The following VPS41 variants were observed in gnomAD, a reference collection of about 807,000 sequenced individuals.
VPS41 encodes the protein VPS41 subunit of HOPS complex, also known as vacuolar protein sorting-associated protein 41 homolog.
A neutral mutation model predicts 130.9 loss-of-function variants in VPS41; 85 were observed. The observed-to-expected ratio is 0.65, with a 90% CI of 0.55 to 0.78. The LOEUF (loss-of-function observed/expected upper bound fraction) is 0.78, where lower values mean the gene tolerates loss of function less well. Ranked by LOEUF, VPS41 falls within the 30% of genes least tolerant of loss-of-function variation. VPS41 has a pLI of 0.00. For synonymous variants in VPS41, 335 were observed against 332.9 expected (o/e 1.01, Z -0.07); for missense variants, 874 against 1,018.7 (o/e 0.86, Z 1.93).
chr7:38,813,009 T>G (rs1784974984), intron 7 of VPS41, among the ~76,000 whole-genome samples: 1 of 152,212 alleles, frequency 6.6e-6, no homozygotes, highest in Non-Finnish European at 1.5e-5. Flanking sequence ...AGTTACTATA[T>G]GATTCAACAA....
At chr7:38,804,292 T>A (rs1784794217) in intron 7 of VPS41, among the ~76,000 whole-genome samples, 1 of 152,194 alleles carries the variant, frequency 6.6e-6, no homozygotes, top group African/African-American at 2.4e-5. Context: ...GTATTAAGCC[T>A]ACTATCCATT....
Position 38,754,567 on chromosome 7 carries a change from T to A in VPS41, c.1788+135A>T, listed in dbSNP as rs1783751497. The A allele has an allele frequency of 1.5e-5, 10 of 686,312 alleles. No individual in the cohort carries two copies. In the South Asian group the frequency reaches 2.0e-4, roughly 14 times the overall value. 42.5% of individuals were successfully genotyped at this position (686,312 alleles called of 1,614,324 possible). A position where few individuals can be genotyped will look rare whatever the true frequency, so the allele number is the denominator to read the frequency against. The stretch of plus-strand genomic sequence containing the variant: ...GCATTTTGGTAATTACAGAACATTG[T>A]TTGTGGTGAAACCTCCAACTGGAAT... On this transcript the variant is annotated intron_variant, in intron 21 of 28. Coordinates refer to ENST00000310301, the MANE Select transcript of VPS41 (RefSeq NM_014396.4).
rs182539874 is a variant in VPS41 at position 38,813,730 on chromosome 7, T to C, written c.450+4087A>G. 5.9e-3 allele frequency among the ~76,000 whole-genome samples: 904 copies of C among 152,300 alleles called. 3 individuals carry two copies. Among genetic ancestry groups the C allele is most frequent in the Non-Finnish European group, 9.3e-3 (632 of 68,018 alleles). ...TCTTTTAAATTATTTTAGTCCCAAA[T>C]GTCTAAGTTAATAATAAAATCATTT... On this transcript the variant is annotated intron_variant, in intron 7 of 28. Coordinates refer to ENST00000310301, the MANE Select transcript of VPS41 (RefSeq NM_014396.4).
At chr7:38,814,158 ACT>A (rs1417130037) in intron 7 of VPS41, among the ~76,000 whole-genome samples, 2 of 152,188 alleles carry the variant, frequency 1.3e-5, no homozygotes, top group Non-Finnish European at 2.9e-5. Flanking sequence ...CTGCATGCAC[ACT>A]GTCCTTTCTA....
chr7:38,906,316 T>A (rs1787259990), intron 1 of VPS41, among the ~76,000 whole-genome samples: 1 of 151,690 alleles, frequency 6.6e-6, no homozygotes, highest in Non-Finnish European at 1.5e-5. Context: ...TTCAGCCATT[T>A]ACAACAGACT....
At chr7:38,858,744 C>T (rs1005977518) in intron 4 of VPS41, among the ~76,000 whole-genome samples, 12 of 152,306 alleles carry the variant, frequency 7.9e-5, no homozygotes, top group African/African-American at 2.9e-4. Context: ...TCAGCTGCCA[C>T]TCATATAAAG....
rs923457864 is a variant in VPS41 at position 38,725,841 on chromosome 7, T to C, written c.*405A>G. 6.3e-6 allele frequency: 1 copy of C among 158,190 alleles called. No homozygotes were observed. The highest frequency in any genetic ancestry group is 1.4e-5 in the Non-Finnish European group (1 of 72,108). The allele number at this position is 158,190 out of a possible 1,614,324, so 9.8% of individuals were successfully genotyped here. On this transcript the variant is annotated 3_prime_UTR_variant, in exon 29 of 29. Coordinates refer to ENST00000310301, the MANE Select transcript of VPS41 (RefSeq NM_014396.4). ...AGAGCACGTGGAAACAACGTCCAAG[T>C]TGCAGGTAGCAGCTTGCAGGATAAC...
At chr7:38,743,623 T>C in intron 23 of VPS41, 81 bp from the exon 24 acceptor site, 1 of 1,511,020 alleles carries the variant, frequency 6.6e-7, no homozygotes, top group Non-Finnish European at 9.0e-7. Flanking sequence ...ATCTCTTAAT[T>C]TGTTTACATA....
At chr7:38,736,241 G>T (rs1021625314) in intron 25 of VPS41, among the ~76,000 whole-genome samples, 1 of 152,210 alleles carries the variant, frequency 6.6e-6, no homozygotes, top group Non-Finnish European at 1.5e-5. Context: ...GCCAGACTAG[G>T]TGTGTAAGAA....
intron 2 of VPS41, among the ~76,000 whole-genome samples, chr7:38,887,838 A>C (rs970053919): frequency 5.3e-5 from 8 of 152,240 alleles, no homozygotes; most frequent in Non-Finnish European, 1.5e-5. Context: ...CTCTCTGCAG[A>C]AACCCTACAA....
chr7:38,727,884 G>A (rs1240579169), intron 27 of VPS41, among the ~76,000 whole-genome samples: 2 of 152,150 alleles, frequency 1.3e-5, no homozygotes, highest in Non-Finnish European at 2.9e-5. Flanking sequence ...CCTTAAGAAG[G>A]TGCTTTTCAT....
intron 14 of VPS41, among the ~76,000 whole-genome samples, chr7:38,768,194 G>C (rs1784085839): frequency 2.0e-5 from 3 of 152,148 alleles, no homozygotes; most frequent in Admixed American, 2.0e-4. Flanking sequence ...ATTCTACCTG[G>C]GTTCTGAAAG....
At chr7:38,817,659 T>A in intron 7 of VPS41, 158 bp downstream of exon 7, 1 of 707,682 alleles carries the variant, frequency 1.4e-6, no homozygotes, top group East Asian at 2.6e-5. Context: ...AAGCCACAAC[T>A]CCCCCAAGAG....
chr7:38,761,525 C>T (rs543340854), intron 17 of VPS41, among the ~76,000 whole-genome samples: 28 of 151,668 alleles, frequency 1.8e-4, no homozygotes, highest in South Asian at 1.0e-3. Flanking sequence ...CCTTGTGATC[C>T]GCCCGCCTCA....
chr7:38,737,764 G>A (rs1012933601), intron 25 of VPS41, among the ~76,000 whole-genome samples: 1 of 152,184 alleles, frequency 6.6e-6, no homozygotes, highest in Non-Finnish European at 1.5e-5. Context: ...TGTCCATCTT[G>A]TAAAGGCTAA....
At chr7:38,803,241 T>C (rs372384759) in intron 7 of VPS41, among the ~76,000 whole-genome samples, 2 of 152,190 alleles carry the variant, frequency 1.3e-5, no homozygotes, top group East Asian at 3.9e-4. Flanking sequence ...ACGCCCATCA[T>C]TACTTGTCAC....
At chr7:38,745,449 T>C in intron 23 of VPS41, 110 bp downstream of exon 23, 2 of 813,374 alleles carry the variant, frequency 2.5e-6, no homozygotes, top group East Asian at 4.9e-5. Context: ...AATAGGCTCA[T>C]ATTCTGTGTT....
intron 7 of VPS41, among the ~76,000 whole-genome samples, chr7:38,812,924 AT>A (rs1167305242): frequency 1.3e-5 from 2 of 152,190 alleles, no homozygotes; most frequent in Non-Finnish European, 2.9e-5. Context: ...ACCCTCATAT[AT>A]TTCTGATGAG....
At chr7:38,747,071 C>G (rs116390160) in intron 22 of VPS41, among the ~76,000 whole-genome samples, 1,855 of 152,212 alleles carry the variant, frequency 0.012, 53 homozygotes, top group African/African-American at 0.041. Flanking sequence ...CTAATCCTAG[C>G]TAATACCGAG....
Sources: allele counts gnomAD v4.1 joint callset (sites outside exome capture counted in the v4.1 genomes callset), GRCh38; gene constraint gnomAD v4.1.1; transcripts MANE v1.5; gene names NCBI Gene and HGNC (gene_info 2026-07-23, HGNC 2026-07-21).